Variants in TOE1 observed in about 807,000 individuals in gnomAD.
TOE1 encodes target of EGR1, exonuclease.
TOE1 carries 50 observed loss-of-function variants against 49.2 expected under a neutral mutation model. The observed-to-expected ratio is 1.02, with a 90% CI of 0.81 to 1.29. The LOEUF is 1.29. TOE1 is among the 50% of genes most tolerant of loss of function. The probability of loss-of-function intolerance (pLI) is 0.00; values close to 1 mark genes in which losing one functional copy is unlikely to be tolerated. For missense variants in TOE1, 544 were observed against 654.4 expected (o/e 0.83, Z 1.84); for synonymous variants, 221 against 247.0 (o/e 0.89, Z 0.99).
rs35345162 is a variant in TOE1, at chr1:45,341,686, GTT to G, written c.333+129_333+130del. ...CCAAATCTTTTTTTTTGACTTGATA[GTT>G]TTTTTTTTTTTATTTGAATAGGTTT... On this transcript the variant is annotated intron_variant, in intron 4 of 7. Coordinates refer to ENST00000372090, the MANE Select transcript of TOE1 (RefSeq NM_025077.4). 3.7e-3 allele frequency: 2,873 copies of G among 776,618 alleles called. 2 individuals are homozygous for G. Among genetic ancestry groups the G allele is most frequent in the South Asian group, 7.6e-3 (363 of 47,936 alleles). The allele number at this position is 776,618 out of a possible 1,614,324, so 48.1% of individuals were successfully genotyped here.
intron 3 of TOE1, 28 bp downstream of exon 3, chr1:45,341,371 G>GC: frequency 6.2e-7 from 1 of 1,614,146 alleles, no homozygotes; most frequent in Non-Finnish European, 8.5e-7. Flanking sequence ...TCTCTTTAGT[G>GC]CCAGCCCTCA....
rs1370004909 is a variant in TOE1 at position 45,342,868 on chromosome 1, G to A, written c.778G>A (p.Ala260Thr). ...KCERENGKQR[A>T]AGSPHLTLEF... is the part of the protein sequence containing the mutation. ...TGAACGGGAAAATGGGAAGCAGCGG[G>A]CAGCTGGCAGCCCACACCTTACCCT... The change falls in exon 7 of 8, where the codon GCA becomes ACA. Residue 260 changes from alanine to threonine, a missense_variant. Coordinates refer to ENST00000372090, the MANE Select transcript of TOE1 (RefSeq NM_025077.4). 1.2e-6 allele frequency: 2 copies of A among 1,614,124 alleles called. No individual in the cohort carries two copies. Among genetic ancestry groups the A allele is most frequent in the Middle Eastern group, 1.6e-4 (1 of 6,062 alleles).
At chr1:45,342,300 T>C in intron 5 of TOE1, 84 bp from the exon 6 acceptor site, 1 of 1,557,754 alleles carries the variant, frequency 6.4e-7, no homozygotes, top group Non-Finnish European at 8.7e-7. Flanking sequence ...GCGTTCCAAG[T>C]GGGGAAGTCT....
Position 45,343,321 on chromosome 1 carries a change from G to A in TOE1, c.1152G>A (p.Val384=). The part of the protein sequence containing the change: ...SIKPEETEQE[V]AADETRNLPH... Reference sequence around the variant, plus strand: ...AGCCTGAAGAAACCGAGCAGGAGGTGGCTGCCGATGAAACTAGGAACCTGC... The same window carrying A: ...AGCCTGAAGAAACCGAGCAGGAGGTAGCTGCCGATGAAACTAGGAACCTGC... Residue 384 remains valine, a synonymous_variant, in exon 8 of 8, where the codon GTG becomes GTA. Coordinates refer to ENST00000372090, the MANE Select transcript of TOE1 (RefSeq NM_025077.4). The surrounding 1 kb of genome is among the most constrained non-coding windows in gnomAD (Gnocchi z 4.3). 1 of 1,614,034 alleles carries A rather than the reference G, an allele frequency of 6.2e-7. No homozygotes were observed.
At chr1:45,341,719 G>C (rs918160724) in intron 4 of TOE1, 150 bp downstream of exon 4, 9 of 839,380 alleles carry the variant, frequency 1.1e-5, no homozygotes, top group South Asian at 9.3e-5. Context: ...GGTTTATGGG[G>C]AACAGGTGGT....
Position 45,342,579 on chromosome 1 carries a change from A to G in TOE1, c.688A>G (p.Lys230Glu). ...GTTCCCAGCAGGCATTTATGACACC[A>G]AATATGCTGCTGAGTTTCATGCCCG... ...EMFPAGIYDT[K>E]YAAEFHARFV... is the part of the protein sequence containing the mutation. Residue 230 changes from lysine to glutamate, a missense_variant, in exon 6 of 8, where the codon AAA (lysine) becomes GAA (glutamate). Lys to Glu is a moderately conservative substitution (Grantham distance 56). Coordinates refer to ENST00000372090, the MANE Select transcript of TOE1 (RefSeq NM_025077.4). 1 of 1,614,154 alleles carries G rather than the reference A, an allele frequency of 6.2e-7. No homozygotes were observed. Among genetic ancestry groups the G allele is most frequent in the Non-Finnish European group, 8.5e-7 (1 of 1,180,036 alleles).
rs754279244 is a variant in TOE1 at position 45,342,727 on chromosome 1, G to A, written c.752+84G>A. The A allele has an allele frequency of 1.9e-6, 3 of 1,599,482 alleles. No homozygotes were observed. The African/African-American group carries it at 4.0e-5, about 21-fold the overall frequency. ...AAGATATTTATTGAGCTCCTACCAT[G>A]TGCCCAGGCAGTGTTTTAGGTGCTG... is the stretch of plus-strand genomic sequence containing the variant. On this transcript the variant is annotated intron_variant, in intron 6 of 7. Transcript: ENST00000372090.
Position 45,343,463 on chromosome 1 carries a change from G to A in TOE1, c.1294G>A (p.Val432Met). 1.2e-6 allele frequency: 2 copies of A among 1,614,162 alleles called. No homozygotes were observed. Among genetic ancestry groups the A allele is most frequent in the Non-Finnish European group, 1.7e-6 (2 of 1,180,040 alleles). ...VPGSQASPNPVPGDGLHRAGF... is the reference protein window; with the variant it reads ...VPGSQASPNPMPGDGLHRAGF... ...AGGGAGCCAAGCCAGTCCTAACCCA[G>A]TGCCTGGGGATGGATTGCACCGGGC... Residue 432 changes from valine (V) to methionine (M), a missense_variant, in exon 8 of 8, where the codon GTG becomes ATG. By Grantham distance (21) the Val-to-Met change is conservative. Coordinates refer to ENST00000372090, the MANE Select transcript of TOE1 (RefSeq NM_025077.4). The surrounding 1 kb of genome is among the most constrained non-coding windows in gnomAD (Gnocchi z 4.3).
chr1:45,341,642 G>A, intron 4 of TOE1, 73 bp downstream of exon 4: 2 of 1,338,754 alleles, frequency 1.5e-6, no homozygotes, highest in Non-Finnish European at 2.1e-6. Flanking sequence ...GGGAACATCA[G>A]ATAGGAAGCA....
chr1:45,341,258 C>G, intron 2 of TOE1, 43 bp downstream of exon 2: 1 of 1,614,182 alleles, frequency 6.2e-7, no homozygotes, highest in Non-Finnish European at 8.5e-7. Context: ...TGTGAAGGGG[C>G]TGGTGCTAGA....
Position 45,343,279 on chromosome 1 carries a change from C to T in TOE1, c.1110C>T (p.Val370=), listed in dbSNP as rs1250828249. 2 of 1,614,062 alleles carry T rather than the reference C, an allele frequency of 1.2e-6. No individual in the cohort carries two copies. The highest frequency in any genetic ancestry group is 4.5e-5 in the East Asian group (2 of 44,850). ...AGGATGGTCCTCCCAAGAAGCAGGT[C>T]TGTGGGGATAGCATCAAGCCTGAAG... ...EAKDGPPKKQ[V]CGDSIKPEET... The change falls in exon 8 of 8, where the codon GTC becomes GTT. Residue 370 remains valine, a synonymous_variant. Coordinates refer to ENST00000372090, the MANE Select transcript of TOE1 (RefSeq NM_025077.4). The surrounding 1 kb of genome is among the most constrained non-coding windows in gnomAD (Gnocchi z 4.3).
chr1:45,341,057 C>G lies in TOE1; in HGVS notation c.53-16C>G, dbSNP rs760561357. 4 of 1,614,152 alleles carry G rather than the reference C, an allele frequency of 2.5e-6. No homozygotes were observed. Among genetic ancestry groups the G allele is most frequent in the Middle Eastern group, 1.7e-4 (1 of 6,050 alleles). On this transcript the variant is annotated splice_polypyrimidine_tract_variant and intron_variant, in intron 1 of 7. Transcript: ENST00000372090. ...TTTCCTTAAGCATGAACATCCATCA[C>G]CCTCCTAACCCCCAGGTGGTGTCAG...
Position 45,343,894 on chromosome 1 carries a change from C to G in TOE1, c.*192C>G, listed in dbSNP as rs981263787. Reference sequence around the variant, plus strand: ...AGAAGGCTGACCAGCACCTGTAACACTGACTTTATTTTTAAGTCTGAAAAT... The same window carrying G: ...AGAAGGCTGACCAGCACCTGTAACAGTGACTTTATTTTTAAGTCTGAAAAT... On this transcript the variant is annotated 3_prime_UTR_variant, in exon 8 of 8. Transcript: ENST00000372090. This position sits in a 1 kb window ranked among gnomAD's most constrained non-coding sequence, Gnocchi z 4.3. 2 of 516,520 alleles carry G rather than the reference C, an allele frequency of 3.9e-6. No individual in the cohort carries two copies. Among genetic ancestry groups the G allele is most frequent in the East Asian group, 6.1e-5 (2 of 32,716 alleles). The allele number at this position is 516,520 out of a possible 1,614,324, so 32.0% of individuals were successfully genotyped here. A position where few individuals can be genotyped will look rare whatever the true frequency, so the allele number is the denominator to read the frequency against.
rs539141533 is a variant in TOE1 at position 45,340,982 on chromosome 1, C to G, written c.53-91C>G. ...GAAAAGCTACCAATGGAAACTACCC[C>G]CCTTACCACCATCACCGTGGCCTAG... On this transcript the variant is annotated intron_variant, in intron 1 of 7. Transcript: ENST00000372090. 1,564 of 1,569,206 alleles carry G rather than the reference C, an allele frequency of 1.0e-3. 6 individuals carry two copies. Among genetic ancestry groups the G allele is most frequent in the South Asian group, 1.5e-3 (131 of 87,238 alleles).
Position 45,343,171 on chromosome 1 carries a change from C to G in TOE1, c.1002C>G (p.Asp334Glu). ...IIDTDEAAAE[D>E]KRRRRRRREK... ...ACACTGATGAGGCTGCGGCAGAGGA[C>G]AAGCGGCGACGGCGACGACGTAGGG... The change falls in exon 8 of 8, where the codon GAC (aspartate) becomes GAG (glutamate). Residue 334 changes from aspartate (D) to glutamate (E), a missense_variant. Asp to Glu is a conservative substitution (Grantham distance 45, BLOSUM62 2). Transcript: ENST00000372090. This position sits in a 1 kb window ranked among gnomAD's most constrained non-coding sequence, Gnocchi z 4.3. 6.2e-7 allele frequency: 1 copy of G among 1,613,916 alleles called. No homozygotes were observed. Among genetic ancestry groups the G allele is most frequent in the Non-Finnish European group, 8.5e-7 (1 of 1,179,990 alleles).
At chr1:45,340,611 A>G in intron 1 of TOE1, 1 of 1,319,642 alleles carries the variant, frequency 7.6e-7, no homozygotes, top group Admixed American at 3.2e-5. Context: ...GGAAGGTAGG[A>G]CGTATTGGGA....
intron 1 of TOE1, 141 bp downstream of exon 1, chr1:45,340,445 TC>T (rs1279980816): frequency 1.3e-6 from 2 of 1,506,348 alleles, no homozygotes; most frequent in Non-Finnish European, 1.8e-6. Flanking sequence ...GACTACAAGT[TC>T]CGTTGTACAC....
chr1:45,340,235 C>T lies in TOE1; in HGVS notation c.-18C>T, dbSNP rs1114167687. On this transcript the variant is annotated 5_prime_UTR_variant, in exon 1 of 8. Coordinates refer to ENST00000372090, the MANE Select transcript of TOE1 (RefSeq NM_025077.4). Reference sequence around the variant, plus strand: ...CCAGCGTACCCACAGACGACTCAGGCGGGAGACGAGCGGTGTCATGGCCGC... The same window carrying T: ...CCAGCGTACCCACAGACGACTCAGGTGGGAGACGAGCGGTGTCATGGCCGC... 1 of 1,613,856 alleles carries T rather than the reference C, an allele frequency of 6.2e-7. No individual in the cohort carries two copies.
intron 5 of TOE1, 122 bp downstream of exon 5, chr1:45,342,229 G>C: frequency 2.0e-6 from 3 of 1,501,152 alleles, no homozygotes; most frequent in Non-Finnish European, 2.7e-6. Context: ...ACTAGTGACA[G>C]GGCTTGGGAA....
Sources: allele counts gnomAD v4.1 joint callset, GRCh38; gene constraint gnomAD v4.1.1; non-coding constraint Gnocchi (gnomAD v3.1); transcripts MANE v1.5; gene names NCBI Gene and HGNC (gene_info 2026-07-23, HGNC 2026-07-21).